CATSPERB: variants seen among roughly 807,000 people sequenced by gnomAD.
The protein encoded by CATSPERB is catsper channel auxiliary subunit beta, also known as cation channel sperm-associated auxiliary subunit beta.
CATSPERB carries 93 observed loss-of-function variants against 128.3 expected under a neutral mutation model. The observed-to-expected ratio is 0.72, with a 90% CI of 0.61 to 0.86. The LOEUF (loss-of-function observed/expected upper bound fraction) is 0.86. CATSPERB is among the 40% of genes least tolerant of loss of function. The probability of loss-of-function intolerance (pLI) is 0.00; values close to 1 mark genes in which losing one functional copy is unlikely to be tolerated. For synonymous variants in CATSPERB, 381 were observed against 448.8 expected, an observed-to-expected ratio of 0.85 and a Z score of 1.91; for missense variants, 1,153 against 1,329.5, an observed-to-expected ratio of 0.87 and a Z score of 2.06.
At chr14:91,729,851 G>A (rs922707084) in intron 1 of CATSPERB, among the ~76,000 whole-genome samples, 3 of 152,162 alleles carry the variant, frequency 2.0e-5, no homozygotes, top group African/African-American at 7.2e-5. Flanking sequence ...CGTTGCTTTT[G>A]GGGAAGACAA....
At chr14:91,711,506 C>T (rs1895839006) in intron 5 of CATSPERB, among the ~76,000 whole-genome samples, 1 of 152,178 alleles carries the variant, frequency 6.6e-6, no homozygotes, top group South Asian at 2.1e-4. Flanking sequence ...ATTGGGATTA[C>T]AGGCATGAGC....
chr14:91,689,710 A>G (rs1595179935), intron 10 of CATSPERB, among the ~76,000 whole-genome samples: 1 of 151,364 alleles, frequency 6.6e-6, no homozygotes, highest in East Asian at 1.9e-4. Context: ...TTATTCTTTA[A>G]TCTTGTTTTC....
At chr14:91,712,540 A>G (rs1321190485) in intron 5 of CATSPERB, among the ~76,000 whole-genome samples, 3 of 152,256 alleles carry the variant, frequency 2.0e-5, no homozygotes, top group East Asian at 1.9e-4. Context: ...ACTTGCAGTT[A>G]TAAAACAATA....
At chr14:91,586,113 G>C (rs1743173) in intron 26 of CATSPERB, among the ~76,000 whole-genome samples, 85,914 of 152,042 alleles carry the variant, frequency 0.57, 25,164 homozygotes, top group East Asian at 0.93. Context: ...AGGCTTTGCT[G>C]TTTTCTTCAG....
chr14:91,621,269 G>A (rs1183688888), intron 19 of CATSPERB, among the ~76,000 whole-genome samples: 1 of 152,094 alleles, frequency 6.6e-6, no homozygotes, highest in African/African-American at 2.4e-5. Flanking sequence ...CGGGAGTGGT[G>A]TACACTTGTA....
chr14:91,581,013 A>T lies in CATSPERB; in HGVS notation c.3227T>A (p.Phe1076Tyr). 6.2e-7 allele frequency: 1 copy of T among 1,614,222 alleles called. No individual in the cohort carries two copies. Residue 1076 changes from phenylalanine to tyrosine, a missense_variant, in exon 27 of 27, where the codon TTT (phenylalanine) becomes TAT (tyrosine). Physicochemically the swap from Phe to Tyr is conservative, Grantham distance 22 (BLOSUM62 3). Coordinates refer to ENST00000256343, the MANE Select transcript of CATSPERB (RefSeq NM_024764.4). ...VVLGGLIFIAFMFQLQGIHPW... is the reference protein window; with the variant it reads ...VVLGGLIFIAYMFQLQGIHPW... Reference sequence around the variant, plus strand: ...ATGGATGCCTTGCAGTTGAAACATAAATGCTATAAAAATTAATCCCCCTAG... The same window carrying T: ...ATGGATGCCTTGCAGTTGAAACATATATGCTATAAAAATTAATCCCCCTAG...
At chr14:91,702,945 T>TC (rs1895676154) in intron 7 of CATSPERB, among the ~76,000 whole-genome samples, 2 of 151,974 alleles carry the variant, frequency 1.3e-5, no homozygotes, top group Non-Finnish European at 2.9e-5. Context: ...TTTTGGGATT[T>TC]CTTACCTTAA....
Position 91,644,020 on chromosome 14 carries a change from C to A in CATSPERB, c.1433-4770G>T, listed in dbSNP as rs1482058593. On this transcript the variant is annotated intron_variant, in intron 15 of 26. Coordinates refer to ENST00000256343, the MANE Select transcript of CATSPERB (RefSeq NM_024764.4). ...GGTTTAAAGTCTGTTTTATCAGAGA[C>A]TAGGATTGCAACCCTTGCCTTTTTT... Among the ~76,000 whole-genome samples, 151 of 139,272 alleles carry A rather than the reference C, an allele frequency of 1.1e-3. 26 individuals are homozygous for A. Among genetic ancestry groups the A allele is most frequent in the African/African-American group, 4.0e-3 (146 of 36,690 alleles). 91.4% of individuals were successfully genotyped at this position (139,272 alleles called of 152,430 possible).
intron 15 of CATSPERB, among the ~76,000 whole-genome samples, chr14:91,651,995 A>G (rs1260975237): frequency 6.6e-6 from 1 of 152,240 alleles, no homozygotes; most frequent in East Asian, 1.9e-4. Context: ...TCCAGAAAAC[A>G]GGAGAATATC....
In CATSPERB at chr14:91,669,796, A is replaced by G; in HGVS notation, c.1287+18T>C. 1 of 1,598,314 alleles carries G rather than the reference A, an allele frequency of 6.3e-7. No homozygotes were observed. The highest frequency in any genetic ancestry group is 8.5e-7 in the Non-Finnish European group (1 of 1,172,728). On this transcript the variant is annotated intron_variant, in intron 14 of 26. Transcript: ENST00000256343. The stretch of plus-strand genomic sequence containing the variant: ...ATGATTTAACTCTAACACAGACTGA[A>G]GTTCCATGTGTACGCACCTGATTGC...
In CATSPERB at chr14:91,587,275, C is replaced by T. The variant is rs761978364; in HGVS notation, c.3059G>A (p.Gly1020Asp). The part of the protein sequence containing the change: ...NPSGLNLSIK[G>D]SELFHFRVTV... The stretch of plus-strand genomic sequence containing the variant: ...CACTCTAAAGTGGAAAAGTTCAGAG[C>T]CCTGTGGAAAAAAGCACACCCAGTT... Residue 1020 changes from glycine (G) to aspartate (D), a missense_variant and splice_region_variant, in exon 26 of 27, where the codon GGC becomes GAC. By Grantham distance (94) the Gly-to-Asp change is moderately conservative. Transcript: ENST00000256343. The T allele has an allele frequency of 6.2e-7, 1 of 1,601,580 alleles. No individual in the cohort carries two copies. The highest frequency in any genetic ancestry group is 8.5e-7 in the Non-Finnish European group (1 of 1,175,574).
At chr14:91,720,679 A>G (rs77138412) in intron 4 of CATSPERB, among the ~76,000 whole-genome samples, 1 of 152,166 alleles carries the variant, frequency 6.6e-6, no homozygotes, top group Non-Finnish European at 1.5e-5. Context: ...TACAGATTCA[A>G]TACAGTCCTT....
chr14:91,592,675 CTGA>C (rs1203975449), intron 22 of CATSPERB: 1 of 151,820 alleles, frequency 6.6e-6, no homozygotes, highest in Non-Finnish European at 1.5e-5. Flanking sequence ...CCACACTTGG[CTGA>C]TTGAAAAAAA....
intron 2 of CATSPERB, among the ~76,000 whole-genome samples, chr14:91,729,155 T>C (rs1295665226): frequency 6.6e-6 from 1 of 152,084 alleles, no homozygotes; most frequent in Non-Finnish European, 1.5e-5. Context: ...CTGGCCAAGA[T>C]GGGTGAAACC....
intron 22 of CATSPERB, among the ~76,000 whole-genome samples, chr14:91,602,597 G>T (rs1210920773): frequency 2.0e-5 from 3 of 151,856 alleles, no homozygotes; most frequent in African/African-American, 7.3e-5. Flanking sequence ...AAGGTAACTA[G>T]AATGTAAACT....
chr14:91,589,884 C>T (rs1893367266), intron 23 of CATSPERB, among the ~76,000 whole-genome samples: 1 of 152,162 alleles, frequency 6.6e-6, no homozygotes, highest in Non-Finnish European at 1.5e-5. Flanking sequence ...CAAAACTCAT[C>T]ACTTCTATAG....
intron 15 of CATSPERB, among the ~76,000 whole-genome samples, chr14:91,657,363 A>G (rs1190292560): frequency 6.7e-6 from 1 of 150,156 alleles, no homozygotes; most frequent in Non-Finnish European, 1.5e-5. Flanking sequence ...AAATCAAAAC[A>G]AAATGGATTA....
intron 5 of CATSPERB, among the ~76,000 whole-genome samples, chr14:91,716,462 T>C (rs190705190): frequency 8.9e-4 from 135 of 152,086 alleles, no homozygotes; most frequent in African/African-American, 3.2e-3. Flanking sequence ...TCTGTAATCC[T>C]GGCTATTCAG....
At chr14:91,585,696 TTTCTC>T (rs1260017020) in intron 26 of CATSPERB, among the ~76,000 whole-genome samples, 1 of 152,236 alleles carries the variant, frequency 6.6e-6, no homozygotes, top group Non-Finnish European at 1.5e-5. Context: ...GTTGATGTCT[TTTCTC>T]TTCAGAATTG....
Sources: allele counts gnomAD v4.1 joint callset (sites outside exome capture counted in the v4.1 genomes callset), GRCh38; gene constraint gnomAD v4.1.1; transcripts MANE v1.5; gene names NCBI Gene and HGNC (gene_info 2026-07-23, HGNC 2026-07-21).